Variants in LRP2 observed in about 807,000 individuals in gnomAD.
LRP2 encodes the protein low-density lipoprotein receptor-related protein 2.
A neutral mutation model predicts 531.0 loss-of-function variants in LRP2; 172 were observed. The ratio of observed to expected loss-of-function variants is 0.32; its 90% CI spans 0.29 to 0.37. The LOEUF (loss-of-function observed/expected upper bound fraction) is 0.37, where lower values mean the gene tolerates loss of function less well. Ranked by LOEUF, LRP2 falls within the 10% of genes least tolerant of loss-of-function variation. LRP2 has a pLI of 1.00. For synonymous variants in LRP2, 1,992 were observed against 2,027.6 expected (o/e 0.98, Z 0.47); for missense variants, 5,167 against 5,868.3 (o/e 0.88, Z 3.90).
In LRP2 at chr2:169,193,825, T is replaced by A; in HGVS notation, c.8766A>T (p.Glu2922Asp). The change falls in exon 47 of 79, where the codon GAA becomes GAT. Residue 2922 changes from glutamate to aspartate, a missense_variant. This residue lies in a region of LRP2 where 1,129 missense variants were observed against 1,362.7 expected (regional missense o/e 0.83). Coordinates refer to ENST00000649046, the MANE Select transcript of LRP2 (RefSeq NM_004525.3). ...KCDGGRCIPS[E>D]WICDGDNDCG... ...AGTCATTATCACCGTCACAGATCCA[T>A]TCGCTTGGGATGCACCTCCCACCAT... The A allele has an allele frequency of 1.2e-6, 2 of 1,614,156 alleles. No individual in the cohort carries two copies. The highest frequency in any genetic ancestry group is 1.7e-6 in the Non-Finnish European group (2 of 1,180,034).
At chr2:169,135,155 A>T (rs531240864) in intron 76 of LRP2, among the ~76,000 whole-genome samples, 1 of 152,264 alleles carries the variant, frequency 6.6e-6, no homozygotes, top group Admixed American at 6.5e-5. Flanking sequence ...AGTCTCTTAG[A>T]ACCTCTCATT....
At chr2:169,313,975 G>C (rs1041198012) in intron 3 of LRP2, among the ~76,000 whole-genome samples, 5 of 152,138 alleles carry the variant, frequency 3.3e-5, no homozygotes, top group African/African-American at 1.2e-4. Context: ...GGGATCCGAG[G>C]CTCCCAGCCT....
chr2:169,257,708 T>C (rs1418292510), intron 17 of LRP2, among the ~76,000 whole-genome samples: 1 of 151,672 alleles, frequency 6.6e-6, no homozygotes, highest in African/African-American at 2.4e-5. Flanking sequence ...AAACCATTCA[T>C]CTCAGATGAA....
chr2:169,169,840 T>C, intron 59 of LRP2, 22 bp from the exon 60 acceptor site: 4 of 1,510,424 alleles, frequency 2.6e-6, no homozygotes, highest in South Asian at 1.1e-5. Flanking sequence ...AGATTGTCAT[T>C]CCGAGAAGGC....
chr2:169,354,555 T>C (rs1343547637), intron 1 of LRP2, among the ~76,000 whole-genome samples: 1 of 152,222 alleles, frequency 6.6e-6, no homozygotes, highest in African/African-American at 2.4e-5. Context: ...TAATCTGTCA[T>C]TATCTAGGAA....
intron 50 of LRP2, 32 bp downstream of exon 50, chr2:169,185,471 A>T: frequency 6.2e-7 from 1 of 1,607,668 alleles, no homozygotes; most frequent in Non-Finnish European, 8.5e-7. Flanking sequence ...TTTAATTTTT[A>T]ACTTTTAAAA....
chr2:169,198,131 T>C (rs935488866), intron 45 of LRP2, among the ~76,000 whole-genome samples: 2 of 152,192 alleles, frequency 1.3e-5, no homozygotes, highest in South Asian at 2.1e-4. Context: ...TTTCAGTTAC[T>C]GGTCAGGCAC....
At chr2:169,288,903 T>C in intron 9 of LRP2, 123 bp downstream of exon 9, 1 of 1,460,952 alleles carries the variant, frequency 6.8e-7, no homozygotes, top group Admixed American at 1.7e-5. Flanking sequence ...AGGTCTGGGT[T>C]GCTCTTTGTT....
At chr2:169,209,711 C>G (rs1574136160) in intron 37 of LRP2, 70 bp from the exon 38 acceptor site, 1 of 1,401,900 alleles carries the variant, frequency 7.1e-7, no homozygotes, top group Non-Finnish European at 1.0e-6. Flanking sequence ...TCTGCCCTTC[C>G]TCTCAAACCC....
At chr2:169,324,044 T>C (rs944465404) in intron 1 of LRP2, among the ~76,000 whole-genome samples, 1 of 152,176 alleles carries the variant, frequency 6.6e-6, no homozygotes, top group African/African-American at 2.4e-5. Context: ...GGTGCAAAGA[T>C]GAAAAGAAGT....
chr2:169,244,773 T>C lies in LRP2; in HGVS notation c.3350A>G (p.Asp1117Gly), dbSNP rs1439363741. The C allele has an allele frequency of 6.2e-7, 1 of 1,614,240 alleles. No homozygotes were observed. Residue 1117 changes from aspartate (D) to glycine (G), a missense_variant, in exon 22 of 79, where the codon GAT (aspartate) becomes GGT (glycine). Physicochemically the swap from Asp to Gly is moderately conservative, Grantham distance 94. Transcript: ENST00000649046. ...ASCLDTQYTC[D>G]NHQCISKNWV... Reference sequence around the variant, plus strand: ...GTTCTTTGAGATACACTGGTGATTATCACAGGTGTATTGGGTGTCAAGGCA... The same window carrying C: ...GTTCTTTGAGATACACTGGTGATTACCACAGGTGTATTGGGTGTCAAGGCA...
chr2:169,273,163 A>C, intron 14 of LRP2, 96 bp from the exon 15 acceptor site: 4 of 1,386,432 alleles, frequency 2.9e-6, no homozygotes, highest in Non-Finnish European at 4.1e-6. Context: ...TATAGGTGAA[A>C]TAGAGTAATG....
Position 169,259,179 on chromosome 2 carries a change from C to T in LRP2, c.2359G>A (p.Glu787Lys). The change falls in exon 17 of 79, where the codon GAA becomes AAA. Residue 787 changes from glutamate (E) to lysine (K), a missense_variant. Physicochemically the swap from Glu to Lys is moderately conservative, Grantham distance 56. This residue lies in a region of LRP2 where 2,811 missense variants were observed against 3,058.0 expected (regional missense o/e 0.92). Coordinates refer to ENST00000649046, the MANE Select transcript of LRP2 (RefSeq NM_004525.3). ...GAAATCCAATCAAAAGCCAAACTTT[C>T]AACATTTTCCACCCTGTTAGCTGCG... ...ILAANRVENVESLAFDWISKN... is the reference protein window; with the variant it reads ...ILAANRVENVKSLAFDWISKN... 2 of 1,613,238 alleles carry T rather than the reference C, an allele frequency of 1.2e-6. No individual in the cohort carries two copies. The highest frequency in any genetic ancestry group is 1.7e-6 in the Non-Finnish European group (2 of 1,179,516).
At chr2:169,336,871 T>C (rs1296741908) in intron 1 of LRP2, among the ~76,000 whole-genome samples, 7 of 152,236 alleles carry the variant, frequency 4.6e-5, no homozygotes, top group Non-Finnish European at 1.5e-5. Context: ...CAGCCAGTTC[T>C]TCCCTGGGAA....
intron 1 of LRP2, among the ~76,000 whole-genome samples, chr2:169,360,143 AAAAAAGAG>A (rs755210584): frequency 4.0e-5 from 2 of 49,490 alleles, no homozygotes; most frequent in Non-Finnish European, 1.1e-4. Context: ...AAAAAAAAAA[AAAAAAGAG>A]AGAGAGAGAG....
chr2:169,326,137 TCCCTC>T (rs1685043683), intron 1 of LRP2, among the ~76,000 whole-genome samples: 1 of 69,250 alleles, frequency 1.4e-5, no homozygotes, highest in Admixed American at 1.2e-4. Context: ...GCTCTGCCTC[TCCCTC>T]TCCCTCTCCC....
intron 1 of LRP2, among the ~76,000 whole-genome samples, chr2:169,336,701 C>G (rs1685415456): frequency 1.3e-5 from 2 of 152,188 alleles, no homozygotes; most frequent in Non-Finnish European, 1.5e-5. Context: ...TGCAACGCAA[C>G]AAACAGGTAC....
chr2:169,354,025 G>T (rs145560114), intron 1 of LRP2, among the ~76,000 whole-genome samples: 1 of 152,202 alleles, frequency 6.6e-6, no homozygotes, highest in Non-Finnish European at 1.5e-5. Flanking sequence ...AAAAATAAAC[G>T]ATTTTGATTT....
chr2:169,331,498 G>A (rs1685266853), intron 1 of LRP2, among the ~76,000 whole-genome samples: 1 of 151,958 alleles, frequency 6.6e-6, no homozygotes, highest in South Asian at 2.1e-4. Flanking sequence ...AGTCACTGAG[G>A]TTCCTGGAGA....
Sources: gnomAD v4.1 joint callset for allele counts (sites outside exome capture counted in the v4.1 genomes callset) on GRCh38, gnomAD v4.1.1 for gene constraint, gnomAD v4.1.1 regional missense constraint, MANE v1.5 for transcripts, NCBI Gene and HGNC (gene_info 2026-07-23, HGNC 2026-07-21) for gene names.